CBLN2: variants seen among roughly 807,000 people sequenced by gnomAD.
CBLN2 encodes the protein cerebellin 2 precursor, also known as cerebellin-2.
A neutral mutation model predicts 15.0 loss-of-function variants in CBLN2; 7 were observed. That is an observed-to-expected ratio of 0.47 (90% confidence interval 0.27 to 0.88). The LOEUF (loss-of-function observed/expected upper bound fraction) is 0.88, where lower values mean the gene tolerates loss of function less well. Ranked by LOEUF, CBLN2 falls within the 40% of genes least tolerant of loss-of-function variation. The probability of loss-of-function intolerance (pLI) is 0.14; values close to 1 mark genes in which losing one functional copy is unlikely to be tolerated. For synonymous variants in CBLN2, 149 were observed against 135.2 expected (o/e 1.10, Z -0.71); for missense variants, 242 against 304.5 (o/e 0.79, Z 1.53).
intron 1 of CBLN2, among the ~76,000 whole-genome samples, chr18:72,601,068 C>T (rs77032997): frequency 0.029 from 4,480 of 152,272 alleles, 218 homozygotes; most frequent in African/African-American, 0.1. Context: ...TATCATTTAA[C>T]TATGCCTATA....
chr18:72,575,181 G>A (rs377020999), intron 1 of CBLN2, among the ~76,000 whole-genome samples: 1 of 152,190 alleles, frequency 6.6e-6, no homozygotes, highest in Non-Finnish European at 1.5e-5. Flanking sequence ...GTCGGAGAAT[G>A]TGATGCAGGT....
chr18:72,618,952 G>A, intron 1 of CBLN2: 1 of 748,624 alleles, frequency 1.3e-6, no homozygotes, highest in South Asian at 1.3e-5. Flanking sequence ...TGGCTTTGGT[G>A]GCAGCCATGG....
intron 1 of CBLN2, among the ~76,000 whole-genome samples, chr18:72,555,413 A>G (rs1305210304): frequency 6.6e-6 from 1 of 151,672 alleles, no homozygotes; most frequent in Non-Finnish European, 1.5e-5. Context: ...AAAGAAATTC[A>G]CGGTGAATAT....
At chr18:72,547,851 C>T (rs2069168236), upstream of CBLN2, among the ~76,000 whole-genome samples, 1 of 152,106 alleles carries the variant, frequency 6.6e-6, no homozygotes, top group Non-Finnish European at 1.5e-5. Context: ...AGTTTTAAGT[C>T]CAACAGTTGG....
chr18:72,625,232 C>A (rs1394850734), intron 1 of CBLN2: 3 of 152,114 alleles, frequency 2.0e-5, no homozygotes, highest in Non-Finnish European at 4.4e-5. Flanking sequence ...ATCTGAAAAA[C>A]AACCGCCGGC....
At position 72,552,332 on chromosome 18, in the gene CBLN2, C is replaced by T. The variant is rs149287356; in HGVS notation, c.16-13560G>A. Among the ~76,000 whole-genome samples the T allele has an allele frequency of 9.1e-4, 139 of 152,166 alleles. 1 individual carries two copies. In the East Asian group the frequency reaches 0.026, roughly 29 times the overall value. On this transcript the variant is annotated intron_variant, in intron 1 of 2. Coordinates refer to the CBLN2 transcript ENST00000581073. The stretch of plus-strand genomic sequence containing the variant: ...CTCCTGACCTCAGGTGATCCACCTG[C>T]CTTGACCTCCCAAAATGCCAGGATT...
chr18:72,625,818 CTA>C (rs56391046), intron 1 of CBLN2, among the ~76,000 whole-genome samples: 81 of 57,380 alleles, frequency 1.4e-3, no homozygotes, highest in African/African-American at 3.8e-3. Flanking sequence ...CTCTCTCTCT[CTA>C]TATATATATA....
intron 1 of CBLN2, among the ~76,000 whole-genome samples, chr18:72,626,388 A>G (rs1308662086): frequency 6.6e-6 from 1 of 152,104 alleles, no homozygotes. Flanking sequence ...AATGAAAAGT[A>G]TTCCCTTAGC....
intron 1 of CBLN2, among the ~76,000 whole-genome samples, chr18:72,634,887 C>G (rs2069802183): frequency 6.6e-6 from 1 of 152,142 alleles, no homozygotes; most frequent in South Asian, 2.1e-4. Context: ...CCAGTGCAGT[C>G]AAACAGGCAA....
At chr18:72,612,696 A>G (rs2069630491) in intron 1 of CBLN2, among the ~76,000 whole-genome samples, 1 of 152,268 alleles carries the variant, frequency 6.6e-6, no homozygotes, top group Non-Finnish European at 1.5e-5. Context: ...GATTTGTCTG[A>G]TCTGAAACAC....
chr18:72,613,768 A>G (rs1380704294), intron 1 of CBLN2, among the ~76,000 whole-genome samples: 13 of 152,144 alleles, frequency 8.5e-5, no homozygotes, highest in Admixed American at 7.9e-4. Context: ...GTTTTCCTGA[A>G]GCTATTGCTC....
At chr18:72,635,407 A>G (rs559804107) in intron 1 of CBLN2, among the ~76,000 whole-genome samples, 5 of 152,324 alleles carry the variant, frequency 3.3e-5, no homozygotes, top group South Asian at 2.1e-4. Context: ...AACAAGCACA[A>G]GAATGAATGT....
intron 1 of CBLN2, among the ~76,000 whole-genome samples, chr18:72,630,517 C>G (rs1036063524): frequency 3.5e-5 from 5 of 142,858 alleles, no homozygotes; most frequent in African/African-American, 1.4e-4. Flanking sequence ...CACACACACA[C>G]ACACCCTGCA....
At chr18:72,552,839 G>C (rs1245111468) in intron 1 of CBLN2, among the ~76,000 whole-genome samples, 1 of 152,138 alleles carries the variant, frequency 6.6e-6, no homozygotes, top group Non-Finnish European at 1.5e-5. Context: ...ATAATCATTT[G>C]ATTTTGACTT....
At chr18:72,586,248 T>A (rs2069442417) in intron 1 of CBLN2, among the ~76,000 whole-genome samples, 1 of 152,258 alleles carries the variant, frequency 6.6e-6, no homozygotes, top group African/African-American at 2.4e-5. Flanking sequence ...AAATTATTAT[T>A]GTTTCCTCTC....
intron 1 of CBLN2, among the ~76,000 whole-genome samples, chr18:72,630,023 A>G (rs1344652915): frequency 6.6e-6 from 1 of 152,200 alleles, no homozygotes; most frequent in Non-Finnish European, 1.5e-5. Flanking sequence ...AAAAGGGAAA[A>G]CAAAATCTTA....
chr18:72,562,106 C>T (rs1240780440), intron 1 of CBLN2, among the ~76,000 whole-genome samples: 1 of 152,152 alleles, frequency 6.6e-6, no homozygotes, highest in African/African-American at 2.4e-5. Context: ...GCCATGCACA[C>T]GTTTGGGACT....
chr18:72,556,260 A>G (rs544586559), intron 1 of CBLN2, among the ~76,000 whole-genome samples: 13 of 152,232 alleles, frequency 8.5e-5, no homozygotes, highest in Non-Finnish European at 1.6e-4. Flanking sequence ...GCAGACACAA[A>G]AAAGAAAAAG....
At chr18:72,558,729 AT>A (rs1306610779) in intron 1 of CBLN2, among the ~76,000 whole-genome samples, 2 of 152,110 alleles carry the variant, frequency 1.3e-5, no homozygotes, top group African/African-American at 4.8e-5. Flanking sequence ...CTTTATAAAT[AT>A]TTTCTATTGT....
Sources: allele counts gnomAD v4.1 joint callset (sites outside exome capture counted in the v4.1 genomes callset), GRCh38; gene constraint gnomAD v4.1.1; transcripts MANE v1.5; gene names NCBI Gene and HGNC (gene_info 2026-07-23, HGNC 2026-07-21).